ANKS1B: variants seen among roughly 807,000 people sequenced by gnomAD.
ANKS1B encodes ankyrin repeat and sterile alpha motif domain-containing protein 1B.
Under a neutral mutation model 148.3 loss-of-function variants are expected in ANKS1B, and 36 were observed. That is an observed-to-expected ratio of 0.24 (90% CI 0.19 to 0.32). The LOEUF is 0.32. Among genes scored for constraint, ANKS1B ranks in the 10% least tolerant of loss-of-function variants. ANKS1B has a pLI of 1.00. For missense variants in ANKS1B, 1,157 were observed against 1,542.6 expected (o/e 0.75, Z 4.19); for synonymous variants, 542 against 560.8 (o/e 0.97, Z 0.47).
At chr12:99,892,294 T>C (rs1004334208) in intron 1 of ANKS1B, among the ~76,000 whole-genome samples, 1 of 152,038 alleles carries the variant, frequency 6.6e-6, no homozygotes, top group African/African-American at 2.4e-5. Flanking sequence ...TGAGCCACCA[T>C]GCCCAGCCCA....
chr12:99,851,586 T>C (rs2087848277), intron 1 of ANKS1B, among the ~76,000 whole-genome samples: 1 of 152,150 alleles, frequency 6.6e-6, no homozygotes, highest in Admixed American at 6.5e-5. Flanking sequence ...AGGAAAAATA[T>C]TATTTAGTAA....
At chr12:99,869,353 G>A (rs1440668820) in intron 1 of ANKS1B, among the ~76,000 whole-genome samples, 2 of 151,972 alleles carry the variant, frequency 1.3e-5, no homozygotes, top group Non-Finnish European at 2.9e-5. Flanking sequence ...AAACAGAAGA[G>A]GGTGCAAAAT....
At chr12:99,919,704 T>C (rs1016729856) in intron 1 of ANKS1B, among the ~76,000 whole-genome samples, 14 of 150,384 alleles carry the variant, frequency 9.3e-5, no homozygotes, top group Non-Finnish European at 8.8e-5. Flanking sequence ...TGTACTAACA[T>C]GGTAGCCTCT....
At chr12:99,866,059 A>T (rs1456620477) in intron 1 of ANKS1B, among the ~76,000 whole-genome samples, 1 of 152,176 alleles carries the variant, frequency 6.6e-6, no homozygotes, top group Non-Finnish European at 1.5e-5. Context: ...TAGCGCTCCA[A>T]CAAAACTATT....
intron 24 of ANKS1B, among the ~76,000 whole-genome samples, chr12:98,775,075 A>G (rs1374583069): frequency 6.6e-6 from 1 of 152,148 alleles, no homozygotes. Flanking sequence ...AACCTCTGCC[A>G]TTATCTTGAT....
chr12:99,598,627 A>T (rs2097776224), intron 9 of ANKS1B, among the ~76,000 whole-genome samples: 1 of 152,132 alleles, frequency 6.6e-6, no homozygotes, highest in Non-Finnish European at 1.5e-5. Flanking sequence ...ACAATGGGAC[A>T]GAGGGCCGAC....
At chr12:98,972,037 G>T (rs1010326046) in intron 17 of ANKS1B, among the ~76,000 whole-genome samples, 1 of 152,072 alleles carries the variant, frequency 6.6e-6, no homozygotes, top group Non-Finnish European at 1.5e-5. Flanking sequence ...GCGTGGTGGC[G>T]TGCACTTGTA....
chr12:98,969,260 G>A (rs2099881187), intron 17 of ANKS1B, among the ~76,000 whole-genome samples: 1 of 152,158 alleles, frequency 6.6e-6, no homozygotes, highest in Admixed American at 6.5e-5. Flanking sequence ...GAACTGAAAT[G>A]TCAAAGTGAT....
At chr12:98,970,264 G>C (rs1407686136) in intron 17 of ANKS1B, among the ~76,000 whole-genome samples, 1 of 151,756 alleles carries the variant, frequency 6.6e-6, no homozygotes, top group Non-Finnish European at 1.5e-5. Flanking sequence ...TTTTTATCCT[G>C]GTCCTTATTT....
chr12:99,595,994 G>A lies in ANKS1B; in HGVS notation c.1272+59073C>T, dbSNP rs2097755725. Among the ~76,000 whole-genome samples the A allele has an allele frequency of 2.0e-5, 3 of 151,924 alleles. No individual in the cohort carries two copies. The South Asian group carries it at 6.2e-4, about 32-fold the overall frequency. Reference sequence around the variant, plus strand: ...GCATCTGTGAAATATGAGATGCTGGGCTCCACAGCTAGCTATGAAATAATT... The same window carrying A: ...GCATCTGTGAAATATGAGATGCTGGACTCCACAGCTAGCTATGAAATAATT... On this transcript the variant is annotated intron_variant, in intron 9 of 26. Coordinates refer to ENST00000683438, the MANE Select transcript of ANKS1B (RefSeq NM_001352186.2).
At chr12:99,542,546 C>T (rs1252640995) in intron 9 of ANKS1B, among the ~76,000 whole-genome samples, 1 of 151,750 alleles carries the variant, frequency 6.6e-6, no homozygotes, top group Non-Finnish European at 1.5e-5. Context: ...CTTTTTTTCA[C>T]AGAAATTGAA....
At chr12:99,124,083 G>C (rs9788038) in intron 15 of ANKS1B, among the ~76,000 whole-genome samples, 101,672 of 152,002 alleles carry the variant, frequency 0.67, 34,257 homozygotes, top group East Asian at 0.89. Flanking sequence ...GACAGGAAAC[G>C]AATGCAGAGT....
At chr12:98,950,076 C>T (rs1404012381) in intron 17 of ANKS1B, among the ~76,000 whole-genome samples, 1 of 152,182 alleles carries the variant, frequency 6.6e-6, no homozygotes, top group Non-Finnish European at 1.5e-5. Flanking sequence ...GATGGTCATG[C>T]TGAATGAAGA....
chr12:99,138,152 G>C (rs2068787312), intron 15 of ANKS1B, among the ~76,000 whole-genome samples: 1 of 152,114 alleles, frequency 6.6e-6, no homozygotes, highest in South Asian at 2.1e-4. Flanking sequence ...TGAATTCTTG[G>C]AACATTTCAG....
chr12:98,876,382 CACA>C (rs1222088413), intron 17 of ANKS1B, among the ~76,000 whole-genome samples: 1 of 152,176 alleles, frequency 6.6e-6, no homozygotes, highest in Non-Finnish European at 1.5e-5. Context: ...AGAAGTCTCC[CACA>C]ACCTTTCTAG....
At chr12:99,253,713 C>T (rs2074929181) in intron 12 of ANKS1B, among the ~76,000 whole-genome samples, 1 of 152,090 alleles carries the variant, frequency 6.6e-6, no homozygotes, top group South Asian at 2.1e-4. Context: ...TTCAAATTGC[C>T]TCCCCACAAA....
chr12:99,841,868 T>A (rs892547133), intron 1 of ANKS1B, among the ~76,000 whole-genome samples: 1 of 152,144 alleles, frequency 6.6e-6, no homozygotes, highest in African/African-American at 2.4e-5. Context: ...TATTTTTCTC[T>A]CCTTGGTTAG....
chr12:99,404,328 A>C lies in ANKS1B; in HGVS notation c.1576-4517T>G, dbSNP rs913393303. 3.4e-5 allele frequency among the ~76,000 whole-genome samples: 5 copies of C among 146,040 alleles called. 1 individual carries two copies. Among genetic ancestry groups the C allele is most frequent in the African/African-American group, 1.3e-4 (5 of 38,592 alleles). ...TACTCCTGAACTCAAAATAGAAGTT[A>C]CATAAAAAATTTAAAAAAAGAAATG... On this transcript the variant is annotated intron_variant, in intron 11 of 26. Coordinates refer to ENST00000683438, the MANE Select transcript of ANKS1B (RefSeq NM_001352186.2).
At position 99,405,038 on chromosome 12, in the gene ANKS1B, A is replaced by G. The variant is rs1045013873; in HGVS notation, c.1576-5227T>C. On this transcript the variant is annotated intron_variant, in intron 11 of 26. Transcript: ENST00000683438. The stretch of plus-strand genomic sequence containing the variant: ...TGGAGGAAAAAATGTTTATCCTAGA[A>G]TAGTATATCCAGTGAAAATATCCTT... 2.7e-5 allele frequency among the ~76,000 whole-genome samples: 4 copies of G among 146,172 alleles called. 1 individual carries two copies. Among genetic ancestry groups the G allele is most frequent in the Non-Finnish European group, 4.5e-5 (3 of 66,052 alleles).
Sources: gnomAD v4.1 joint callset for allele counts (sites outside exome capture counted in the v4.1 genomes callset) on GRCh38, gnomAD v4.1.1 for gene constraint, MANE v1.5 for transcripts, NCBI Gene and HGNC (gene_info 2026-07-23, HGNC 2026-07-21) for gene names.